LRP2: variants seen among roughly 807,000 people sequenced by gnomAD.
LRP2 encodes the protein LDL receptor related protein 2.
LRP2 carries 172 observed loss-of-function variants against 531.0 expected under a neutral mutation model. The observed-to-expected ratio is 0.32, with a 90% confidence interval of 0.29 to 0.37. The LOEUF (loss-of-function observed/expected upper bound fraction) is 0.37, where lower values mean the gene tolerates loss of function less well. Among genes scored for constraint, LRP2 ranks in the 10% least tolerant of loss-of-function variants. The pLI, the probability that LRP2 is intolerant of heterozygous loss-of-function variation, is 1.00. For synonymous variants in LRP2, 1,992 were observed against 2,027.6 expected (o/e 0.98, Z 0.47); for missense variants, 5,167 against 5,868.3 (o/e 0.88, Z 3.90).
chr2:169,329,417 G>A (rs1685206478), intron 1 of LRP2, among the ~76,000 whole-genome samples: 1 of 152,168 alleles, frequency 6.6e-6, no homozygotes, highest in African/African-American at 2.4e-5. Flanking sequence ...GCTTAGCATG[G>A]GTGAGGGTCT....
intron 29 of LRP2, among the ~76,000 whole-genome samples, chr2:169,234,106 T>C (rs1689514733): frequency 6.6e-6 from 1 of 152,222 alleles, no homozygotes; most frequent in Non-Finnish European, 1.5e-5. Context: ...TAGCAATTTT[T>C]TCTCTTTTTT....
chr2:169,233,523 A>G lies in LRP2; in HGVS notation c.4986T>C (p.Thr1662=). The G allele has an allele frequency of 2.5e-6, 4 of 1,614,154 alleles. No individual in the cohort carries two copies. Among genetic ancestry groups the G allele is most frequent in the Non-Finnish European group, 3.4e-6 (4 of 1,180,026 alleles). ...EDSVYWTDRA[T]RRVMRANKWH... Reference sequence around the variant, plus strand: ...ACTTGTTGGCTCGCATAACCCGACGAGTAGCACGGTCAGTCCAGTACACAG... The same window carrying G: ...ACTTGTTGGCTCGCATAACCCGACGGGTAGCACGGTCAGTCCAGTACACAG... Residue 1662 remains threonine, a synonymous_variant, in exon 30 of 79, where the codon ACT becomes ACC. Coordinates refer to ENST00000649046, the MANE Select transcript of LRP2 (RefSeq NM_004525.3).
intron 12 of LRP2, 103 bp from the exon 13 acceptor site, chr2:169,278,054 G>T: frequency 1.1e-6 from 1 of 917,844 alleles, no homozygotes; most frequent in Non-Finnish European, 1.8e-6. Flanking sequence ...TTATCCAGCT[G>T]ATTAGAGAAC....
rs189612181 is a variant in LRP2, at chr2:169,281,842, T to C, written c.1171+1031A>G. Among the ~76,000 whole-genome samples, 48 of 152,212 alleles carry C rather than the reference T, an allele frequency of 3.2e-4. 1 individual carries two copies. In the East Asian group the frequency reaches 8.3e-3, roughly 26 times the overall value. On this transcript the variant is annotated intron_variant, in intron 10 of 78. Coordinates refer to ENST00000649046, the MANE Select transcript of LRP2 (RefSeq NM_004525.3). ...TTCACAAGATGCAGAACTGTGCATA[T>C]AGTTTACTACCATATATAGATATGT... is the stretch of plus-strand genomic sequence containing the variant.
intron 6 of LRP2, 74 bp downstream of exon 6, chr2:169,294,074 G>C: frequency 1.9e-6 from 2 of 1,029,834 alleles, no homozygotes; most frequent in African/African-American, 1.6e-5. Flanking sequence ...GGAGCGGGGG[G>C]ATAAAACAAA....
intron 3 of LRP2, among the ~76,000 whole-genome samples, chr2:169,313,986 A>G (rs778125379): frequency 5.3e-5 from 8 of 152,240 alleles, no homozygotes; most frequent in Non-Finnish European, 1.2e-4. Context: ...CTCCCAGCCT[A>G]CAGAGCTTCT....
intron 32 of LRP2, among the ~76,000 whole-genome samples, chr2:169,226,205 AT>A (rs1040668405): frequency 5.3e-5 from 8 of 152,136 alleles, no homozygotes; most frequent in African/African-American, 1.7e-4. Context: ...AATAGCTTAA[AT>A]TTGTTTCTTA....
chr2:169,162,881 G>T (rs1686641863), intron 62 of LRP2, among the ~76,000 whole-genome samples: 1 of 152,234 alleles, frequency 6.6e-6, no homozygotes. Flanking sequence ...TGTGTTCCAG[G>T]CAGCACAGCT....
chr2:169,184,814 G>A (rs1687572723), intron 50 of LRP2, among the ~76,000 whole-genome samples: 1 of 151,950 alleles, frequency 6.6e-6, no homozygotes, highest in Admixed American at 6.6e-5. Context: ...TCAGGCTGGA[G>A]TGCCATGCAT....
chr2:169,342,808 G>C (rs1413270728), intron 1 of LRP2, among the ~76,000 whole-genome samples: 3 of 152,188 alleles, frequency 2.0e-5, no homozygotes, highest in African/African-American at 7.2e-5. Context: ...ATAAACGTGT[G>C]TGAAAGAAAT....
intron 48 of LRP2, among the ~76,000 whole-genome samples, chr2:169,191,610 T>C (rs1378927923): frequency 6.6e-6 from 1 of 152,082 alleles, no homozygotes; most frequent in African/African-American, 2.4e-5. Context: ...TGCAATCATA[T>C]TGGTATAAAG....
chr2:169,260,618 A>T (rs1574191340), intron 16 of LRP2, among the ~76,000 whole-genome samples: 1 of 152,080 alleles, frequency 6.6e-6, no homozygotes, highest in African/African-American at 2.4e-5. Context: ...GAGAACTTGC[A>T]TAGAGATTTT....
intron 75 of LRP2, among the ~76,000 whole-genome samples, chr2:169,138,101 T>C (rs1378933716): frequency 1.3e-5 from 2 of 152,226 alleles, no homozygotes; most frequent in Non-Finnish European, 2.9e-5. Flanking sequence ...CCATGTCTAT[T>C]GTCACATACT....
At chr2:169,279,312 T>C (rs1413201138) in intron 12 of LRP2, 60 bp downstream of exon 12, 3 of 1,219,536 alleles carry the variant, frequency 2.5e-6, no homozygotes, top group Non-Finnish European at 3.7e-6. Context: ...ATGTTCAGTG[T>C]ATAGAGGGAG....
rs1688519585 is a variant in LRP2, at chr2:169,209,526, A to C, written c.6396T>G (p.Ser2132=). ...NAIRRIKPDG[S]SLMNIVTHGI... is the part of the protein sequence containing the mutation. ...CATGTGTCACAATGTTCATCAGAGA[A>C]GATCCATCTGGTTTAATTCTACGGA... The change falls in exon 38 of 79, where the codon TCT becomes TCG. Residue 2132 remains serine, a synonymous_variant. Transcript: ENST00000649046. 26 of 1,614,152 alleles carry C rather than the reference A, an allele frequency of 1.6e-5. No homozygotes were observed. Among genetic ancestry groups the C allele is most frequent in the Non-Finnish European group, 2.2e-5 (26 of 1,179,998 alleles).
chr2:169,220,763 G>T (rs1349868829), intron 33 of LRP2, among the ~76,000 whole-genome samples, 200 bp from the exon 34 acceptor site: 1 of 152,130 alleles, frequency 6.6e-6, no homozygotes, highest in African/African-American at 2.4e-5. Flanking sequence ...GAGAGTAAGA[G>T]CAGCAAAATC....
At chr2:169,251,049 T>C (rs1303617645) in intron 19 of LRP2, among the ~76,000 whole-genome samples, 1 of 20,828 alleles carries the variant, frequency 4.8e-5, no homozygotes, top group Non-Finnish European at 7.4e-5. Flanking sequence ...TGGGAGACTT[T>C]AACACCCCAC....
intron 76 of LRP2, among the ~76,000 whole-genome samples, chr2:169,133,973 T>A (rs1255681978): frequency 6.6e-6 from 1 of 152,116 alleles, no homozygotes; most frequent in Admixed American, 6.6e-5. Flanking sequence ...GTTACCTATT[T>A]CGGCATAATT....
At chr2:169,162,278 G>T (rs1437821500) in intron 63 of LRP2, among the ~76,000 whole-genome samples, 194 bp downstream of exon 63, 1 of 152,192 alleles carries the variant, frequency 6.6e-6, no homozygotes, top group Non-Finnish European at 1.5e-5. Flanking sequence ...TTGCTACCAG[G>T]CATGTAGAAT....
Sources: allele counts gnomAD v4.1 joint callset (sites outside exome capture counted in the v4.1 genomes callset), GRCh38; gene constraint gnomAD v4.1.1; transcripts MANE v1.5; gene names NCBI Gene and HGNC (gene_info 2026-07-23, HGNC 2026-07-21).